SOX5: variants seen among roughly 807,000 people sequenced by gnomAD.
The protein encoded by SOX5 is transcription factor SOX-5.
In SOX5, 9 loss-of-function variants were observed where a neutral mutation model predicts 92.0. The ratio of observed to expected loss-of-function variants is 0.10; its 90% confidence interval spans 0.06 to 0.17. The LOEUF is 0.17. Among genes scored for constraint, SOX5 ranks in the 10% least tolerant of loss-of-function variants. The pLI is 1.00. For synonymous variants in SOX5, 344 were observed against 336.3 expected (o/e 1.02, Z -0.25); for missense variants, 642 against 944.5 (o/e 0.68, Z 4.20).
intron 4 of SOX5, among the ~76,000 whole-genome samples, chr12:24,065,205 T>G (rs974156460): frequency 3.3e-5 from 5 of 152,100 alleles, no homozygotes; most frequent in Admixed American, 6.5e-5. Flanking sequence ...CTTGGCTATC[T>G]CCCATCCCTT....
chr12:24,326,799 C>CACACACACACACAT (rs1950749484), intron 2 of SOX5, among the ~76,000 whole-genome samples: 1 of 151,858 alleles, frequency 6.6e-6, no homozygotes, highest in African/African-American at 2.4e-5. Flanking sequence ...CATACACACA[C>CACACACACACACAT]ACACACACAC....
At chr12:23,818,330 T>C (rs1359123602) in intron 3 of SOX5, among the ~76,000 whole-genome samples, 1 of 152,156 alleles carries the variant, frequency 6.6e-6, no homozygotes, top group Non-Finnish European at 1.5e-5. Flanking sequence ...CTGAATACCG[T>C]ATGCAACTGT....
chr12:23,938,726 A>G (rs1943082258), intron 1 of SOX5, among the ~76,000 whole-genome samples: 1 of 150,996 alleles, frequency 6.6e-6, no homozygotes, highest in Admixed American at 6.6e-5. Flanking sequence ...TGTTTTTGGA[A>G]TATTTAATTA....
chr12:24,230,450 G>A (rs902881882), intron 3 of SOX5: 4 of 152,162 alleles, frequency 2.6e-5, no homozygotes, highest in Non-Finnish European at 5.9e-5. Flanking sequence ...CGTGGTTCCT[G>A]TCTACTTTTA....
intron 3 of SOX5, among the ~76,000 whole-genome samples, chr12:24,214,846 C>A (rs533257539): frequency 6.6e-6 from 1 of 152,062 alleles, no homozygotes; most frequent in African/African-American, 2.4e-5. Context: ...TTTTAAAAAG[C>A]CTAAATAATT....
At chr12:24,054,514 A>C (rs1001232322) in intron 4 of SOX5, among the ~76,000 whole-genome samples, 16 of 152,192 alleles carry the variant, frequency 1.1e-4, no homozygotes, top group Admixed American at 2.6e-4. Context: ...ACAAATGGTC[A>C]ATGATGGTAA....
At chr12:23,931,849 G>A (rs947536360) in intron 1 of SOX5, among the ~76,000 whole-genome samples, 2 of 151,326 alleles carry the variant, frequency 1.3e-5, no homozygotes, top group African/African-American at 4.8e-5. Context: ...GTTATTACAC[G>A]GACTTTGTAA....
chr12:23,567,464 A>ATTTTTTTTTTT (rs35620007), intron 10 of SOX5, among the ~76,000 whole-genome samples: 1 of 119,140 alleles, frequency 8.4e-6, no homozygotes, highest in East Asian at 2.5e-4. Context: ...ATTTGATTTG[A>ATTTTTTTTTTT]TTTTTTTTTT....
intron 3 of SOX5, among the ~76,000 whole-genome samples, chr12:24,244,718 C>A (rs1422362587): frequency 1.3e-5 from 2 of 152,084 alleles, no homozygotes; most frequent in East Asian, 1.9e-4. Context: ...AATGTCTTTT[C>A]TTTTTCTCTT....
At chr12:24,119,620 A>T (rs1325203657) in intron 4 of SOX5, among the ~76,000 whole-genome samples, 2 of 152,124 alleles carry the variant, frequency 1.3e-5, no homozygotes, top group African/African-American at 4.8e-5. Context: ...AAAATAAATA[A>T]ATTTCCTTTA....
At chr12:23,918,060 T>C (rs7959314) in intron 1 of SOX5, among the ~76,000 whole-genome samples, 29,796 of 152,096 alleles carry the variant, frequency 0.2, 3,037 homozygotes, top group East Asian at 0.34. Flanking sequence ...ATATGAGTTA[T>C]ATTCTAAGAC....
intron 9 of SOX5, among the ~76,000 whole-genome samples, chr12:23,600,069 C>A (rs1439212091): frequency 6.6e-6 from 1 of 152,062 alleles, no homozygotes; most frequent in Non-Finnish European, 1.5e-5. Context: ...TTGTTAAGGC[C>A]ATAAGCAGAC....
At chr12:24,299,509 G>A (rs1484300262) in intron 2 of SOX5, among the ~76,000 whole-genome samples, 1 of 151,970 alleles carries the variant, frequency 6.6e-6, no homozygotes, top group Non-Finnish European at 1.5e-5. Flanking sequence ...TATCCAGGCA[G>A]GGATTCACAT....
At chr12:24,329,085 T>A (rs530510102) in intron 2 of SOX5, among the ~76,000 whole-genome samples, 3 of 152,188 alleles carry the variant, frequency 2.0e-5, no homozygotes, top group African/African-American at 7.2e-5. Context: ...TGCTTATAGG[T>A]CATATACTAA....
At chr12:23,971,382 A>G (rs1301233318) in intron 4 of SOX5, among the ~76,000 whole-genome samples, 5 of 151,584 alleles carry the variant, frequency 3.3e-5, no homozygotes, top group Admixed American at 6.6e-5. Flanking sequence ...TCAGCCTCCC[A>G]AAGTGCTGGG....
chr12:24,345,504 AC>A (rs755824194), intron 2 of SOX5, among the ~76,000 whole-genome samples: 1 of 152,172 alleles, frequency 6.6e-6, no homozygotes, highest in Non-Finnish European at 1.5e-5. Context: ...GATCTTCCAA[AC>A]TATTTAAAAG....
intron 2 of SOX5, among the ~76,000 whole-genome samples, chr12:24,318,574 T>A (rs1361987970): frequency 6.6e-6 from 1 of 152,222 alleles, no homozygotes. Flanking sequence ...ATCCTATTAT[T>A]AGTTGAATCT....
intron 1 of SOX5, among the ~76,000 whole-genome samples, chr12:24,502,028 G>T (rs955019385): frequency 2.0e-5 from 3 of 152,100 alleles, no homozygotes; most frequent in African/African-American, 4.8e-5. Context: ...AGCCTGCAAT[G>T]GGATTCTCAG....
chr12:24,160,892 G>T (rs761501903), intron 4 of SOX5, among the ~76,000 whole-genome samples: 1 of 151,992 alleles, frequency 6.6e-6, no homozygotes. Context: ...ACAAACAATA[G>T]CATGTGCACA....
Sources: gnomAD v4.1 joint callset for allele counts (sites outside exome capture counted in the v4.1 genomes callset) on GRCh38, gnomAD v4.1.1 for gene constraint, MANE v1.5 for transcripts, NCBI Gene and HGNC (gene_info 2026-07-23, HGNC 2026-07-21) for gene names.